GSG1L: variants seen among roughly 807,000 people sequenced by gnomAD.
The protein encoded by GSG1L is GSG1 like.
In GSG1L, 24 loss-of-function variants were observed where a neutral mutation model predicts 42.1. The observed-to-expected ratio is 0.57, with a 90% confidence interval of 0.41 to 0.80. The LOEUF (loss-of-function observed/expected upper bound fraction) is 0.80. Ranked by LOEUF, GSG1L falls within the 30% of genes least tolerant of loss-of-function variation. The probability of loss-of-function intolerance (pLI) is 0.00; values close to 1 mark genes in which losing one functional copy is unlikely to be tolerated. For missense variants in GSG1L, 445 were observed against 472.2 expected, an observed-to-expected ratio of 0.94 and a Z score of 0.53; for synonymous variants, 215 against 203.5, an observed-to-expected ratio of 1.06 and a Z score of -0.48.
At chr16:28,032,580 G>A (rs2085978104) in intron 1 of GSG1L, among the ~76,000 whole-genome samples, 1 of 152,158 alleles carries the variant, frequency 6.6e-6, no homozygotes, top group Non-Finnish European at 1.5e-5. Context: ...CATTGCCTCT[G>A]GGCTGTCACA....
At position 28,026,700 on chromosome 16, in the gene GSG1L, G is replaced by A. The variant is rs117449547; in HGVS notation, c.349+36376C>T. On this transcript the variant is annotated intron_variant, in intron 1 of 6. Coordinates refer to ENST00000447459, the MANE Select transcript of GSG1L (RefSeq NM_001109763.2). ...CTGAGGCATCCCATCCTCGTGACAGGGCAGAGCCTCGCTGTGCTCAGATAC... is the reference window on the plus strand; with the variant it reads ...CTGAGGCATCCCATCCTCGTGACAGAGCAGAGCCTCGCTGTGCTCAGATAC... Among the ~76,000 whole-genome samples, 233 of 152,272 alleles carry A rather than the reference G, an allele frequency of 1.5e-3. 5 individuals carry two copies. In the East Asian group the frequency reaches 0.024, roughly 16 times the overall value.
At chr16:27,960,931 C>T (rs1350367460) in intron 2 of GSG1L, among the ~76,000 whole-genome samples, 1 of 152,138 alleles carries the variant, frequency 6.6e-6, no homozygotes, top group Admixed American at 6.5e-5. Context: ...CAGTAAAACA[C>T]AAAGATACAA....
chr16:27,831,380 T>C (rs1413979470), intron 4 of GSG1L, among the ~76,000 whole-genome samples: 1 of 152,246 alleles, frequency 6.6e-6, no homozygotes, highest in Admixed American at 6.5e-5. Context: ...AATTGAGTTT[T>C]GGTCATTGGG....
rs35672057 is a variant in GSG1L, at chr16:27,979,663, G to GAAAGAAAGAAAGAAAGAA, written c.350-16461_350-16460insTTCTTTCTTTCTTTCTTT. Among the ~76,000 whole-genome samples, 448 of 83,626 alleles carry GAAAGAAAGAAAGAAAGAA rather than the reference G, an allele frequency of 5.4e-3. 14 individuals carry two copies. The highest frequency in any genetic ancestry group is 0.033 in the Admixed American group (223 of 6,662). The allele number at this position is 83,626 out of a possible 152,430, so 54.9% of individuals were successfully genotyped here. The stretch of plus-strand genomic sequence containing the variant: ...GAGGGGAAAGAAAGAAAGAAAGAAA[G>GAAAGAAAGAAAGAAAGAA]AGAGAGAGAGAGAGAGAAAGAAAGA... On this transcript the variant is annotated intron_variant, in intron 1 of 6. Coordinates refer to ENST00000447459, the MANE Select transcript of GSG1L (RefSeq NM_001109763.2).
At chr16:27,854,797 G>A (rs928914263) in intron 3 of GSG1L, among the ~76,000 whole-genome samples, 1 of 152,290 alleles carries the variant, frequency 6.6e-6, no homozygotes, top group East Asian at 1.9e-4. Flanking sequence ...CAAGATGAGC[G>A]TGGGCCTCTC....
intron 3 of GSG1L, among the ~76,000 whole-genome samples, chr16:27,878,286 G>A (rs1247594606): frequency 3.9e-5 from 6 of 152,188 alleles, no homozygotes; most frequent in Non-Finnish European, 7.3e-5. Flanking sequence ...AGTTTTGTGT[G>A]GCTTGGGAGG....
At chr16:27,839,574 T>C (rs1042434185) in intron 4 of GSG1L, among the ~76,000 whole-genome samples, 2 of 152,182 alleles carry the variant, frequency 1.3e-5, no homozygotes, top group African/African-American at 4.8e-5. Context: ...AGATGATGAC[T>C]AAGTGTGGAA....
rs62033481 is a variant in GSG1L, at chr16:27,923,464, G to A, written c.398-38826C>T. Among the ~76,000 whole-genome samples the A allele has an allele frequency of 2.4e-3, 358 of 152,324 alleles. 1 individual carries two copies. Among genetic ancestry groups the A allele is most frequent in the Non-Finnish European group, 4.3e-3 (292 of 68,024 alleles). ...GCATGTGGCAGAAAGTGCCAAAAAC[G>A]CCAGGCAAAGTGGTTCACACCTATA... On this transcript the variant is annotated intron_variant, in intron 2 of 6. Coordinates refer to ENST00000447459, the MANE Select transcript of GSG1L (RefSeq NM_001109763.2).
chr16:27,804,056 T>C (rs942794787), intron 6 of GSG1L, among the ~76,000 whole-genome samples: 29 of 150,888 alleles, frequency 1.9e-4, no homozygotes, highest in African/African-American at 9.8e-5. Context: ...GATAGATAGA[T>C]AGATAGATAG....
At chr16:27,863,992 A>G (rs1186195111) in intron 3 of GSG1L, among the ~76,000 whole-genome samples, 1 of 152,214 alleles carries the variant, frequency 6.6e-6, no homozygotes, top group Admixed American at 6.5e-5. Flanking sequence ...AGGTGCTCAT[A>G]TGATGAGGTC....
intron 5 of GSG1L, among the ~76,000 whole-genome samples, chr16:27,822,650 C>T (rs1233793071): frequency 3.9e-5 from 6 of 152,058 alleles, no homozygotes; most frequent in African/African-American, 1.4e-4. Flanking sequence ...AGCTCCTAGA[C>T]TTAAGTGATC....
intron 1 of GSG1L, among the ~76,000 whole-genome samples, chr16:28,006,882 C>T (rs991735163): frequency 1.3e-5 from 2 of 152,122 alleles, no homozygotes; most frequent in African/African-American, 4.8e-5. Context: ...ACCTGGAGGA[C>T]CCCTCGGGAA....
intron 2 of GSG1L, among the ~76,000 whole-genome samples, chr16:27,959,324 C>T (rs139579978): frequency 0.026 from 3,895 of 149,070 alleles, 170 homozygotes; most frequent in African/African-American, 0.09. Flanking sequence ...AAAAATTAGC[C>T]GGGCATGGTG....
chr16:28,003,793 A>G (rs1436732968), intron 1 of GSG1L, among the ~76,000 whole-genome samples: 1 of 152,168 alleles, frequency 6.6e-6, no homozygotes, highest in African/African-American at 2.4e-5. Context: ...GCCAGACCAC[A>G]GGGTTCCTCG....
rs1417524034 is a variant in GSG1L at position 27,884,445 on chromosome 16, C to T, written c.550+41G>A. ...TTACTCCAAGGGCAGCACCCTTTCT[C>T]GCCTGTGCTCTGAGAGGCCACAGGA... On this transcript the variant is annotated intron_variant, in intron 3 of 6. Coordinates refer to ENST00000447459, the MANE Select transcript of GSG1L (RefSeq NM_001109763.2). The surrounding 1 kb of genome is among the most constrained non-coding windows in gnomAD (Gnocchi z 4.4). 1.3e-6 allele frequency: 2 copies of T among 1,582,942 alleles called. No individual in the cohort carries two copies. Among genetic ancestry groups the T allele is most frequent in the African/African-American group, 2.7e-5 (2 of 74,438 alleles).
At chr16:27,994,635 G>C (rs2085493856) in intron 1 of GSG1L, among the ~76,000 whole-genome samples, 1 of 152,008 alleles carries the variant, frequency 6.6e-6, no homozygotes, top group South Asian at 2.1e-4. Flanking sequence ...TCCCAATTTT[G>C]ATCTAAAGTT....
Position 27,923,368 on chromosome 16 carries a change from C to T in GSG1L, c.398-38730G>A, listed in dbSNP as rs76108277. On this transcript the variant is annotated intron_variant, in intron 2 of 6. Coordinates refer to ENST00000447459, the MANE Select transcript of GSG1L (RefSeq NM_001109763.2). ...AGCCCAAACACCTTTTGTCAAAGTC[C>T]TGTCCCTGGGGCACCCACATGCTAA... 1.2e-3 allele frequency among the ~76,000 whole-genome samples: 178 copies of T among 152,328 alleles called. 2 individuals are homozygous for T. The East Asian group carries it at 0.033, about 28-fold the overall frequency.
chr16:27,997,457 T>C (rs2085529508), intron 1 of GSG1L, among the ~76,000 whole-genome samples: 1 of 151,228 alleles, frequency 6.6e-6, no homozygotes. Context: ...GTAGCTGGGA[T>C]TACATGTGCC....
intron 1 of GSG1L, among the ~76,000 whole-genome samples, chr16:27,987,945 C>CAAAAAAAAAAAAAAAAAAAAAAAAAA (rs56395297): frequency 1.1e-5 from 1 of 92,864 alleles, no homozygotes; most frequent in Non-Finnish European, 2.0e-5. Context: ...GACTCCGTCT[C>CAAAAAAAAAAAAAAAAAAAAAAAAAA]AAAAAAAAAA....
Sources: allele counts gnomAD v4.1 joint callset (sites outside exome capture counted in the v4.1 genomes callset), GRCh38; gene constraint gnomAD v4.1.1; non-coding constraint Gnocchi (gnomAD v3.1); transcripts MANE v1.5; gene names NCBI Gene and HGNC (gene_info 2026-07-23, HGNC 2026-07-21).